Variants in MACROD2 observed in about 807,000 individuals in gnomAD.
MACROD2 encodes ADP-ribose glycohydrolase MACROD2.
A neutral mutation model predicts 70.4 loss-of-function variants in MACROD2; 36 were observed. The ratio of observed to expected loss-of-function variants is 0.51; its 90% CI spans 0.39 to 0.68. The LOEUF (loss-of-function observed/expected upper bound fraction) is 0.68, where lower values mean the gene tolerates loss of function less well. Among genes scored for constraint, MACROD2 ranks in the 30% least tolerant of loss-of-function variants. The probability of loss-of-function intolerance (pLI) is 0.00; values close to 1 mark genes in which losing one functional copy is unlikely to be tolerated. For synonymous variants in MACROD2, 172 were observed against 178.8 expected, an observed-to-expected ratio of 0.96 and a Z score of 0.30; for missense variants, 496 against 538.4, an observed-to-expected ratio of 0.92 and a Z score of 0.78.
At chr20:15,323,211 G>A (rs1211825650) in intron 6 of MACROD2, among the ~76,000 whole-genome samples, 1 of 152,096 alleles carries the variant, frequency 6.6e-6, no homozygotes, top group African/African-American at 2.4e-5. Flanking sequence ...TTTGGCAGCT[G>A]GGAATTGTTA....
intron 5 of MACROD2, among the ~76,000 whole-genome samples, chr20:15,050,623 G>A (rs142075990): frequency 7.6e-6 from 1 of 132,084 alleles, no homozygotes; most frequent in Admixed American, 8.8e-5. Context: ...CTCACTGCAA[G>A]CTCCGCCTCC....
chr20:15,695,108 T>C (rs2146884694), intron 8 of MACROD2, among the ~76,000 whole-genome samples: 1 of 152,342 alleles, frequency 6.6e-6, no homozygotes, highest in South Asian at 2.1e-4. Flanking sequence ...CCATGCTGTT[T>C]TGGTGACTAT....
chr20:15,121,513 C>CAAAAAAAAAAAA (rs5840653), intron 5 of MACROD2, among the ~76,000 whole-genome samples: 1 of 122,044 alleles, frequency 8.2e-6, no homozygotes, highest in African/African-American at 3.2e-5. Context: ...AACTCTGCCT[C>CAAAAAAAAAAAA]AAAAAAAAAA....
intron 3 of MACROD2, among the ~76,000 whole-genome samples, chr20:14,256,735 G>A (rs533223344): frequency 2.6e-5 from 4 of 151,862 alleles, no homozygotes; most frequent in African/African-American, 9.7e-5. Flanking sequence ...TTTTTATCCC[G>A]TTTAAGCCCC....
chr20:14,267,057 G>A (rs1017763826), intron 3 of MACROD2, among the ~76,000 whole-genome samples: 1 of 152,092 alleles, frequency 6.6e-6, no homozygotes, highest in Non-Finnish European at 1.5e-5. Flanking sequence ...GAAAATTAAT[G>A]GTAGTGTCAG....
chr20:15,101,459 T>C (rs2075871718), intron 5 of MACROD2, among the ~76,000 whole-genome samples: 1 of 134,694 alleles, frequency 7.4e-6, no homozygotes, highest in Admixed American at 8.8e-5. Context: ...TTACATGTGA[T>C]AGACTATAAA....
At chr20:14,906,799 A>G (rs2073964930) in intron 5 of MACROD2, among the ~76,000 whole-genome samples, 1 of 152,166 alleles carries the variant, frequency 6.6e-6, no homozygotes, top group African/African-American at 2.4e-5. Context: ...GCTTCTTTGA[A>G]GTATTCTTTA....
intron 4 of MACROD2, among the ~76,000 whole-genome samples, chr20:14,584,321 A>G (rs1981232436): frequency 6.6e-6 from 1 of 152,166 alleles, no homozygotes; most frequent in African/African-American, 2.4e-5. Flanking sequence ...ATTAAGCTAA[A>G]ATATAGTAAA....
intron 4 of MACROD2, among the ~76,000 whole-genome samples, chr20:14,611,599 A>C (rs1388278216): frequency 6.6e-6 from 1 of 152,020 alleles, no homozygotes; most frequent in Non-Finnish European, 1.5e-5. Context: ...TGCTGTACCG[A>C]AGGGCCTGGC....
At chr20:14,589,131 A>G (rs1016554872) in intron 4 of MACROD2, among the ~76,000 whole-genome samples, 1 of 152,092 alleles carries the variant, frequency 6.6e-6, no homozygotes, top group Non-Finnish European at 1.5e-5. Flanking sequence ...TTTTGTTTGA[A>G]AATAATGCAT....
intron 6 of MACROD2, among the ~76,000 whole-genome samples, chr20:15,309,684 TAGG>T (rs1340000544): frequency 6.6e-6 from 1 of 152,156 alleles, no homozygotes; most frequent in Non-Finnish European, 1.5e-5. Context: ...ATCTCTGCCT[TAGG>T]AGGAAACAGA....
intron 3 of MACROD2, among the ~76,000 whole-genome samples, chr20:14,454,815 A>C (rs1404853187): frequency 7.5e-6 from 1 of 132,736 alleles, no homozygotes; most frequent in South Asian, 2.3e-4. Flanking sequence ...TGCAGTGGTG[A>C]GATCTCTGCT....
At chr20:14,912,003 G>A (rs1054264043) in intron 5 of MACROD2, among the ~76,000 whole-genome samples, 2 of 152,144 alleles carry the variant, frequency 1.3e-5, no homozygotes, top group Non-Finnish European at 2.9e-5. Flanking sequence ...AGCATGAAAC[G>A]GGAGATAGTG....
At chr20:14,818,825 G>GTTTTTTTTTTT (rs754477468) in intron 5 of MACROD2, among the ~76,000 whole-genome samples, 1 of 78,376 alleles carries the variant, frequency 1.3e-5, no homozygotes, top group African/African-American at 5.4e-5. Flanking sequence ...TCTTCCTTAG[G>GTTTTTTTTTTT]TTTTTTTTTT....
At chr20:15,780,792 G>A (rs77919375) in intron 8 of MACROD2, among the ~76,000 whole-genome samples, 2,668 of 152,052 alleles carry the variant, frequency 0.018, 69 homozygotes, top group African/African-American at 0.061. Flanking sequence ...CATTTTTGAG[G>A]GAAAACTGAG....
chr20:15,585,202 CTT>C (rs397865605), intron 8 of MACROD2, among the ~76,000 whole-genome samples: 19 of 139,504 alleles, frequency 1.4e-4, no homozygotes, highest in Admixed American at 2.2e-4. Flanking sequence ...TCTTTTTTTT[CTT>C]TTTTTTTTTT....
At chr20:14,430,074 C>T (rs1345501263) in intron 3 of MACROD2, among the ~76,000 whole-genome samples, 1 of 152,126 alleles carries the variant, frequency 6.6e-6, no homozygotes, top group Admixed American at 6.6e-5. Context: ...GGTTTGTTAG[C>T]GTTGGAGAAA....
chr20:14,804,114 AT>A (rs1273927011), intron 5 of MACROD2, among the ~76,000 whole-genome samples: 20 of 152,054 alleles, frequency 1.3e-4, no homozygotes, highest in Non-Finnish European at 2.8e-4. Flanking sequence ...TTTAATTTAA[AT>A]TTCATTCAGT....
At chr20:14,335,787 A>C (rs1404252842) in intron 3 of MACROD2, among the ~76,000 whole-genome samples, 1 of 152,118 alleles carries the variant, frequency 6.6e-6, no homozygotes, top group Non-Finnish European at 1.5e-5. Flanking sequence ...CAAAAAATCA[A>C]ATTTTAGTTT....
Sources: gnomAD v4.1 joint callset for allele counts (sites outside exome capture counted in the v4.1 genomes callset) on GRCh38, gnomAD v4.1.1 for gene constraint, MANE v1.5 for transcripts, NCBI Gene and HGNC (gene_info 2026-07-23, HGNC 2026-07-21) for gene names.